The following PPP1R13L variants were observed in gnomAD, a reference collection of about 807,000 sequenced individuals.
The protein encoded by PPP1R13L is relA-associated inhibitor.
A neutral mutation model predicts 80.9 loss-of-function variants in PPP1R13L; 50 were observed. The ratio of observed to expected loss-of-function variants is 0.62; its 90% CI spans 0.49 to 0.78. PPP1R13L has a LOEUF of 0.78. Ranked by LOEUF, PPP1R13L falls within the 30% of genes least tolerant of loss-of-function variation. The pLI is 0.00. For synonymous variants in PPP1R13L, 602 were observed against 534.3 expected, an observed-to-expected ratio of 1.13 and a Z score of -1.75; for missense variants, 1,200 against 1,205.9, an observed-to-expected ratio of 1.00 and a Z score of 0.07.
chr19:45,388,714 A>T (rs1202031651), intron 8 of PPP1R13L, among the ~76,000 whole-genome samples: 5 of 145,654 alleles, frequency 3.4e-5, no homozygotes, highest in African/African-American at 1.1e-4. Context: ...CTTTATAATT[A>T]TTTTTTTTAA....
chr19:45,386,236 A>G, intron 8 of PPP1R13L, 56 bp from the exon 9 acceptor site: 1 of 1,443,422 alleles, frequency 6.9e-7, no homozygotes, highest in East Asian at 2.5e-5. Context: ...TATATCCATG[A>G]TCTAGAGTAG....
intron 11 of PPP1R13L, among the ~76,000 whole-genome samples, chr19:45,384,901 C>G (rs1399271557): frequency 6.6e-6 from 1 of 152,090 alleles, no homozygotes; most frequent in African/African-American, 2.4e-5. Flanking sequence ...TCTACAATGT[C>G]TTGTAGCCTG....
In PPP1R13L at chr19:45,398,070, G is replaced by C; in HGVS notation, c.133C>G (p.Gln45Glu). 6.2e-7 allele frequency: 1 copy of C among 1,614,184 alleles called. No homozygotes were observed. Among genetic ancestry groups the C allele is most frequent in the South Asian group, 1.1e-5 (1 of 91,090 alleles). ...GAGTCTGACCACAGCGACTCCAGCT[G>C]CTTGGTCAGTTCATCCACCTTGGCC... ...AAAKVDELTK[Q>E]LESLWSDSPA... Residue 45 changes from glutamine to glutamate, a missense_variant, in exon 3 of 13, where the codon CAG (glutamine) becomes GAG (glutamate). This residue lies in a region of PPP1R13L where 764 missense variants were observed against 714.5 expected (regional missense o/e 1.07). Transcript: ENST00000360957.
chr19:45,379,973 C>A lies in PPP1R13L; in HGVS notation c.*217G>T, dbSNP rs1281952453. On this transcript the variant is annotated 3_prime_UTR_variant, in exon 13 of 13. Coordinates refer to ENST00000360957, the MANE Select transcript of PPP1R13L (RefSeq NM_006663.4). ...GTTTCCTGTCCCCAGTGATTTCCAG[C>A]CCTTCCCAGACCTCCCAAGGCTAAG... 6.2e-6 allele frequency: 3 copies of A among 485,782 alleles called. No individual in the cohort carries two copies. The highest frequency in any genetic ancestry group is 6.5e-5 in the South Asian group (2 of 30,704). 30.1% of individuals were successfully genotyped at this position (485,782 alleles called of 1,614,324 possible).
chr19:45,398,451 C>T, intron 1 of PPP1R13L, 112 bp from the exon 2 acceptor site: 1 of 1,053,770 alleles, frequency 9.5e-7, no homozygotes, highest in South Asian at 1.5e-5. Flanking sequence ...GTTCCTTCCC[C>T]TGGAAGCCCT....
At chr19:45,394,197 T>C (rs961675029) in intron 7 of PPP1R13L, among the ~76,000 whole-genome samples, 8 of 152,124 alleles carry the variant, frequency 5.3e-5, no homozygotes, top group Non-Finnish European at 1.2e-4. Flanking sequence ...AGTGGCGCTA[T>C]CACAGCTCAC....
At chr19:45,392,475 C>T in intron 7 of PPP1R13L, 135 bp from the exon 8 acceptor site, 1 of 878,168 alleles carries the variant, frequency 1.1e-6, no homozygotes, top group Non-Finnish European at 1.8e-6. Context: ...CCTCTCTGGG[C>T]TACACTTTCC....
intron 1 of PPP1R13L, among the ~76,000 whole-genome samples, chr19:45,402,964 C>A (rs1180269456): frequency 6.6e-6 from 1 of 152,196 alleles, no homozygotes; most frequent in Non-Finnish European, 1.5e-5. Flanking sequence ...TCGGGTCACA[C>A]TGAATCTGGA....
rs1293850011 is a variant in PPP1R13L, at chr19:45,400,023, G to C, written c.-21-1684C>G. Among the ~76,000 whole-genome samples, 8 of 151,884 alleles carry C rather than the reference G, an allele frequency of 5.3e-5. No homozygotes were observed. The East Asian group carries it at 1.5e-3, about 29-fold the overall frequency. ...ATGCCGTGCACCGAAAGCTTCATTT[G>C]ATGGTCAAAACCACCCTAGCAGGCA... is the stretch of plus-strand genomic sequence containing the variant. On this transcript the variant is annotated intron_variant, in intron 1 of 12. Coordinates refer to ENST00000360957, the MANE Select transcript of PPP1R13L (RefSeq NM_006663.4).
chr19:45,391,160 T>A (rs1972965054), intron 8 of PPP1R13L, among the ~76,000 whole-genome samples: 1 of 150,232 alleles, frequency 6.7e-6, no homozygotes, highest in African/African-American at 2.5e-5. Context: ...GTCAAGCCAC[T>A]GCACTCCAGC....
At position 45,396,439 on chromosome 19, in the gene PPP1R13L, G is replaced by A. The variant is rs756752788; in HGVS notation, c.713-3C>T. 8 of 1,613,836 alleles carry A rather than the reference G, an allele frequency of 5.0e-6. No homozygotes were observed. The East Asian group carries it at 1.8e-4, about 36-fold the overall frequency. On this transcript the variant is annotated splice_polypyrimidine_tract_variant and splice_region_variant and intron_variant, in intron 4 of 12. Transcript: ENST00000360957. This position sits in a 1 kb window ranked among gnomAD's most constrained non-coding sequence, Gnocchi z 5.3. ...CCGCCGGCGCAGCGTCAGGTCGTCTGGGGAGAAGTTTCCAGGGAGGATGAG... is the reference window on the plus strand; with the variant it reads ...CCGCCGGCGCAGCGTCAGGTCGTCTAGGGAGAAGTTTCCAGGGAGGATGAG...
intron 7 of PPP1R13L, chr19:45,394,848 CTTTT>C (rs58689506): frequency 1.8e-5 from 2 of 110,962 alleles, no homozygotes; most frequent in Non-Finnish European, 1.7e-5. Context: ...CATTATTTGC[CTTTT>C]TTTTTTTTTT....
intron 11 of PPP1R13L, 64 bp downstream of exon 11, chr19:45,385,498 T>G: frequency 1.4e-6 from 2 of 1,478,930 alleles, no homozygotes; most frequent in South Asian, 2.6e-5. Context: ...TAGGGGGTAG[T>G]TGCTCCCCTC....
chr19:45,382,116 C>T (rs1296432547), intron 12 of PPP1R13L, among the ~76,000 whole-genome samples: 1 of 151,620 alleles, frequency 6.6e-6, no homozygotes, highest in African/African-American at 2.4e-5. Context: ...TGGTGGTGGG[C>T]GCCTGTAATC....
rs749711900 is a variant in PPP1R13L, at chr19:45,396,983, C to T, written c.274G>A (p.Gly92Ser). 1.4e-6 allele frequency: 2 copies of T among 1,382,038 alleles called. No individual in the cohort carries two copies. Among genetic ancestry groups the T allele is most frequent in the East Asian group, 2.8e-5 (1 of 35,892 alleles). The allele number at this position is 1,382,038 out of a possible 1,614,324, so 85.6% of individuals were successfully genotyped here. A position where few individuals can be genotyped will look rare whatever the true frequency, so the allele number is the denominator to read the frequency against. Reference sequence around the variant, plus strand: ...GATCGTCCGAACGGGGTGTCTGCGCCGTCGGTGGCCGCCTTCCGGGGGGAC... The same window carrying T: ...GATCGTCCGAACGGGGTGTCTGCGCTGTCGGTGGCCGCCTTCCGGGGGGAC... ...RGSPRKAATD[G>S]ADTPFGRSES... The change falls in exon 4 of 13, where the codon GGC (glycine) becomes AGC (serine). Residue 92 changes from glycine (G) to serine (S), a missense_variant. By Grantham distance (56) the Gly-to-Ser change is moderately conservative. Coordinates refer to ENST00000360957, the MANE Select transcript of PPP1R13L (RefSeq NM_006663.4). The surrounding 1 kb of genome is among the most constrained non-coding windows in gnomAD (Gnocchi z 5.3).
chr19:45,398,585 C>CTTTTTTTTTTTTTTTTT (rs113649282), intron 1 of PPP1R13L, among the ~76,000 whole-genome samples: 3 of 136,524 alleles, frequency 2.2e-5, no homozygotes, highest in African/African-American at 2.8e-5. Flanking sequence ...TTTTTCTTTT[C>CTTTTTTTTTTTTTTTTT]TTTTTTTTTT....
intron 12 of PPP1R13L, among the ~76,000 whole-genome samples, chr19:45,381,667 A>C (rs1286921030): frequency 6.6e-6 from 1 of 151,962 alleles, no homozygotes; most frequent in Non-Finnish European, 1.5e-5. Flanking sequence ...GCGGTGGCAC[A>C]TGCCTGTAAT....
chr19:45,406,348 A>G (rs760061905), upstream of PPP1R13L: 3 of 1,216,690 alleles, frequency 2.5e-6, no homozygotes, highest in Non-Finnish European at 3.1e-6. The surrounding 1 kb of genome is among the most constrained non-coding windows in gnomAD (Gnocchi z 4.2). Flanking sequence ...AGGCTTAGGA[A>G]GAGCAGTGTG....
In PPP1R13L at chr19:45,396,154, C is replaced by T. The variant is rs547120832; in HGVS notation, c.903+14G>A. 2.5e-6 allele frequency: 4 copies of T among 1,594,230 alleles called. No individual in the cohort carries two copies. Among genetic ancestry groups the T allele is most frequent in the Non-Finnish European group, 3.4e-6 (4 of 1,171,828 alleles). On this transcript the variant is annotated intron_variant, in intron 6 of 12. Transcript: ENST00000360957. This position sits in a 1 kb window ranked among gnomAD's most constrained non-coding sequence, Gnocchi z 5.3. ...CCTTCCCCAGCCTCTCCTCCCCAGG[C>T]GTCGCCTCCTCACCTTGCCGGTGCC...
Sources: gnomAD v4.1 joint callset for allele counts (sites outside exome capture counted in the v4.1 genomes callset) on GRCh38, gnomAD v4.1.1 for gene constraint, gnomAD v4.1.1 regional missense constraint, Gnocchi (gnomAD v3.1) non-coding constraint, MANE v1.5 for transcripts, NCBI Gene and HGNC (gene_info 2026-07-23, HGNC 2026-07-21) for gene names.